Variants in BRCA2 observed in about 807,000 individuals in gnomAD.
BRCA2 encodes breast cancer type 2 susceptibility protein.
BRCA2 carries 203 observed loss-of-function variants against 276.7 expected under a neutral mutation model. The ratio of observed to expected loss-of-function variants is 0.73; its 90% CI spans 0.65 to 0.82. The LOEUF (loss-of-function observed/expected upper bound fraction) is 0.82. Among genes scored for constraint, BRCA2 ranks in the 40% least tolerant of loss-of-function variants. The pLI is 0.00. For synonymous variants in BRCA2, 1,289 were observed against 1,338.4 expected (o/e 0.96, Z 0.81); for missense variants, 3,920 against 3,915.0 (o/e 1.00, Z -0.03).
chr13:32,357,330 C>T (rs2072704887), intron 15 of BRCA2, among the ~76,000 whole-genome samples: 1 of 152,212 alleles, frequency 6.6e-6, no homozygotes, highest in Non-Finnish European at 1.5e-5. Flanking sequence ...GGGGTGAAAG[C>T]AAGCACTTTG....
At chr13:32,327,031 G>A (rs1593887831) in intron 7 of BRCA2, among the ~76,000 whole-genome samples, 1 of 152,208 alleles carries the variant, frequency 6.6e-6, no homozygotes, top group Non-Finnish European at 1.5e-5. Flanking sequence ...GTACTGAATT[G>A]AGGTCTTAAA....
chr13:32,332,875 A>G lies in BRCA2; in HGVS notation c.1397A>G (p.Asn466Ser), dbSNP rs370692951. The G allele has an allele frequency of 1.9e-6, 3 of 1,611,572 alleles. No individual in the cohort carries two copies. In the African/African-American group the frequency reaches 4.0e-5, roughly 22 times the overall value. ...CCATTAAATGAGGAAACAGTGGTAA[A>G]TAAGAGAGATGAAGAGCAGCATCTT... ...EKPLNEETVV[N>S]KRDEEQHLES... The change falls in exon 10 of 27, where the codon AAT becomes AGT. Residue 466 changes from asparagine (N) to serine (S), a missense_variant. Asn to Ser is a conservative substitution (Grantham distance 46). This residue lies in a region of BRCA2 where 3,263 missense variants were observed against 3,156.9 expected (regional missense o/e 1.03). Transcript: ENST00000380152.
rs1566224162 is a variant in BRCA2 at position 32,333,191 on chromosome 13, T to C, written c.1713T>C (p.Ser571=). The C allele has an allele frequency of 1.2e-6, 2 of 1,613,974 alleles. No individual in the cohort carries two copies. Among genetic ancestry groups the C allele is most frequent in the East Asian group, 4.5e-5 (2 of 44,876 alleles). Residue 571 remains serine, a synonymous_variant, in exon 10 of 27, where the codon TCT becomes TCC. Transcript: ENST00000380152. ...GGCCAGCCACCACCACACAGAATTCTGTAGCTTTGAAGAATGCAGGTTTAA... is the reference window on the plus strand; with the variant it reads ...GGCCAGCCACCACCACACAGAATTCCGTAGCTTTGAAGAATGCAGGTTTAA... ...GSWPATTTQN[S]VALKNAGLIS...
intron 24 of BRCA2, among the ~76,000 whole-genome samples, chr13:32,389,119 A>G (rs1344997081): frequency 6.6e-6 from 1 of 152,176 alleles, no homozygotes; most frequent in Non-Finnish European, 1.5e-5. Context: ...TGTATGACTT[A>G]CAGCAGTCTA....
chr13:32,333,767 C>G (rs1300593341), intron 10 of BRCA2, among the ~76,000 whole-genome samples: 1 of 152,144 alleles, frequency 6.6e-6, no homozygotes, highest in Admixed American at 6.5e-5. Context: ...CTCCTTCCCC[C>G]CACACACCCC....
rs2137491530 is a variant in BRCA2, at chr13:32,337,300, T to C, written c.2945T>C (p.Ile982Thr). 2 of 1,612,450 alleles carry C rather than the reference T, an allele frequency of 1.2e-6. No homozygotes were observed. Among genetic ancestry groups the C allele is most frequent in the Non-Finnish European group, 1.7e-6 (2 of 1,179,530 alleles). The change falls in exon 11 of 27, where the codon ATA (isoleucine) becomes ACA (threonine). Residue 982 changes from isoleucine (I) to threonine (T), a missense_variant. By Grantham distance (89) the Ile-to-Thr change is moderately conservative (BLOSUM62 -1). Around this residue, in one of 2 missense-constraint regions of BRCA2, gnomAD observed 3,263 missense variants for 3,156.9 expected, o/e 1.03. Coordinates refer to ENST00000380152, the MANE Select transcript of BRCA2 (RefSeq NM_000059.4). The stretch of plus-strand genomic sequence containing the variant: ...GACATCTCCTTGAATATAGATAAAA[T>C]ACCAGAAAAAAATAATGATTACATG... The part of the protein sequence containing the change: ...KSDISLNIDK[I>T]PEKNNDYMNK...
At position 32,340,412 on chromosome 13, in the gene BRCA2, C is replaced by T. The variant is rs147961615; in HGVS notation, c.6057C>T (p.Asn2019=). The change falls in exon 11 of 27, where the codon AAC becomes AAT. Residue 2019 remains asparagine, a synonymous_variant. Transcript: ENST00000380152. ...QVFSKVLFKS[N]EHSDQLTREE... is the part of the protein sequence containing the mutation. Reference sequence around the variant, plus strand: ...TTTCCAAAGTATTGTTTAAAAGTAACGAACATTCAGACCAGCTCACAAGAG... The same window carrying T: ...TTTCCAAAGTATTGTTTAAAAGTAATGAACATTCAGACCAGCTCACAAGAG... 377 of 1,613,604 alleles carry T rather than the reference C, an allele frequency of 2.3e-4. No individual in the cohort carries two copies. In the African/African-American group the frequency reaches 4.6e-3, roughly 20 times the overall value.
At position 32,379,358 on chromosome 13, in the gene BRCA2, C is replaced by A. The variant is rs1225836672; in HGVS notation, c.8796C>A (p.His2932Gln). 6.2e-7 allele frequency: 1 copy of A among 1,613,644 alleles called. No homozygotes were observed. Among genetic ancestry groups the A allele is most frequent in the East Asian group, 2.2e-5 (1 of 44,830 alleles). Residue 2932 changes from histidine (H) to glutamine (Q), a missense_variant, in exon 22 of 27, where the codon CAC (histidine) becomes CAA (glutamine). Physicochemically the swap from His to Gln is conservative, Grantham distance 24. Coordinates refer to ENST00000380152, the MANE Select transcript of BRCA2 (RefSeq NM_000059.4). ...AGCAGTTAAGAGCCTTGAATAATCA[C>A]AGGCAAATGTTGAATGATAAGAAAC... ...SEEQLRALNN[H>Q]RQMLNDKKQA... is the part of the protein sequence containing the mutation.
At chr13:32,380,816 A>G (rs2072920208) in intron 24 of BRCA2, among the ~76,000 whole-genome samples, 1 of 152,004 alleles carries the variant, frequency 6.6e-6, no homozygotes, top group African/African-American at 2.4e-5. Flanking sequence ...CTGGGATTAC[A>G]GGCGTGAGCC....
At chr13:32,343,357 A>C (rs1289344236) in intron 11 of BRCA2, among the ~76,000 whole-genome samples, 2 of 152,094 alleles carry the variant, frequency 1.3e-5, no homozygotes, top group Non-Finnish European at 2.9e-5. Context: ...AAACCTATAA[A>C]CTCATAAAAA....
In BRCA2 at chr13:32,340,686, A is replaced by G. The variant is rs773211804; in HGVS notation, c.6331A>G (p.Lys2111Glu). The G allele has an allele frequency of 8.1e-6, 13 of 1,608,706 alleles. No individual in the cohort carries two copies. The highest frequency in any genetic ancestry group is 3.4e-5 in the Admixed American group (2 of 58,560). The change falls in exon 11 of 27, where the codon AAG (lysine) becomes GAG (glutamate). Residue 2111 changes from lysine (K) to glutamate (E), a missense_variant. Transcript: ENST00000380152. Reference protein sequence around the residue: ...NVSKILPRVDKRNPEHCVNSE... With the variant: ...NVSKILPRVDERNPEHCVNSE... ...ATCAAAAATACTTCCTCGTGTTGAT[A>G]AGAGAAACCCAGAGCACTGTGTAAA...
At position 32,337,130 on chromosome 13, in the gene BRCA2, T is replaced by C. The variant is rs756859735; in HGVS notation, c.2775T>C (p.Ser925=). ...TCVNEPIFKN[S]TMVLYGDTGD... is the part of the protein sequence containing the mutation. ...TAAACGAACCCATTTTCAAGAACTC[T>C]ACCATGGTTTTATATGGAGACACAG... is the stretch of plus-strand genomic sequence containing the variant. The change falls in exon 11 of 27, where the codon TCT becomes TCC. Residue 925 remains serine, a synonymous_variant. Coordinates refer to ENST00000380152, the MANE Select transcript of BRCA2 (RefSeq NM_000059.4). 1 of 1,613,740 alleles carries C rather than the reference T, an allele frequency of 6.2e-7. No homozygotes were observed. Among genetic ancestry groups the C allele is most frequent in the South Asian group, 1.1e-5 (1 of 91,052 alleles).
In BRCA2 at chr13:32,338,013, T is replaced by C. The variant is rs397507312; in HGVS notation, c.3658T>C (p.Tyr1220His). 5.0e-6 allele frequency: 8 copies of C among 1,612,920 alleles called. No homozygotes were observed. The East Asian group carries it at 1.6e-4, about 31-fold the overall frequency. Residue 1220 changes from tyrosine (Y) to histidine (H), a missense_variant, in exon 11 of 27, where the codon TAT becomes CAT. Transcript: ENST00000380152. Reference protein sequence around the residue: ...DENEVGFRGFYSAHGTKLNVS... With the variant: ...DENEVGFRGFHSAHGTKLNVS... Reference sequence around the variant, plus strand: ...AAATGAAGTGGGGTTTAGGGGCTTTTATTCTGCTCATGGCACAAAACTGAA... The same window carrying C: ...AAATGAAGTGGGGTTTAGGGGCTTTCATTCTGCTCATGGCACAAAACTGAA...
intron 26 of BRCA2, 107 bp from the exon 27 acceptor site, chr13:32,398,055 G>A (rs1029950981): frequency 4.8e-5 from 57 of 1,192,026 alleles, no homozygotes; most frequent in Non-Finnish European, 6.4e-5. Context: ...GAGGGAGACT[G>A]TGTGTAATAT....
intron 12 of BRCA2, among the ~76,000 whole-genome samples, chr13:32,345,131 A>T (rs1050095754): frequency 1.3e-5 from 2 of 152,078 alleles, no homozygotes; most frequent in African/African-American, 4.8e-5. Context: ...AAGTATTGTC[A>T]CTTATTTTTC....
In BRCA2 at chr13:32,362,579, A is replaced by G; in HGVS notation, c.7862A>G (p.Tyr2621Cys). ...DPKLISRIWV[Y>C]NHYRWIIWKL... ...AAGCTTATTTCTAGAATTTGGGTTT[A>G]TAATCACTATAGATGGATCATATGG... The change falls in exon 17 of 27, where the codon TAT (tyrosine) becomes TGT (cysteine). Residue 2621 changes from tyrosine (Y) to cysteine (C), a missense_variant. Coordinates refer to ENST00000380152, the MANE Select transcript of BRCA2 (RefSeq NM_000059.4). 1.2e-6 allele frequency: 2 copies of G among 1,614,206 alleles called. No homozygotes were observed. The highest frequency in any genetic ancestry group is 1.7e-6 in the Non-Finnish European group (2 of 1,180,030).
At position 32,387,095 on chromosome 13, in the gene BRCA2, C is replaced by T. The variant is rs571933131; in HGVS notation, c.9256+6950C>T. Among the ~76,000 whole-genome samples, 8 of 152,186 alleles carry T rather than the reference C, an allele frequency of 5.3e-5. No homozygotes were observed. The South Asian group carries it at 1.5e-3, about 28-fold the overall frequency. Reference sequence around the variant, plus strand: ...GGTCTCCCAATGTACATGTCTGTGTCTAAATTTCCCCATATATTAGGACAC... The same window carrying T: ...GGTCTCCCAATGTACATGTCTGTGTTTAAATTTCCCCATATATTAGGACAC... On this transcript the variant is annotated intron_variant, in intron 24 of 26. Coordinates refer to ENST00000380152, the MANE Select transcript of BRCA2 (RefSeq NM_000059.4).
Position 32,376,739 on chromosome 13 carries a change from G to T in BRCA2, c.8702G>T (p.Gly2901Val), listed in dbSNP as rs80359129. The change falls in exon 21 of 27, where the codon GGT becomes GTT. Residue 2901 changes from glycine to valine, a missense_variant. Coordinates refer to ENST00000380152, the MANE Select transcript of BRCA2 (RefSeq NM_000059.4). Reference sequence around the variant, plus strand: ...CAGCAAGTTCGTGCTTTGCAAGATGGTGCAGAGCTTTATGAAGCAGTGAAG... The same window carrying T: ...CAGCAAGTTCGTGCTTTGCAAGATGTTGCAGAGCTTTATGAAGCAGTGAAG... ...TRQQVRALQD[G>V]AELYEAVKNA... The T allele has an allele frequency of 6.2e-7, 1 of 1,614,146 alleles. No homozygotes were observed. The highest frequency in any genetic ancestry group is 1.7e-5 in the Admixed American group (1 of 60,020).
chr13:32,318,007 A>G (rs2072276302), intron 2 of BRCA2, among the ~76,000 whole-genome samples: 1 of 152,234 alleles, frequency 6.6e-6, no homozygotes. Context: ...AAGAAGTGCT[A>G]AAGCATTGAG....
Sources: gnomAD v4.1 joint callset for allele counts (sites outside exome capture counted in the v4.1 genomes callset) on GRCh38, gnomAD v4.1.1 for gene constraint, gnomAD v4.1.1 regional missense constraint, MANE v1.5 for transcripts, NCBI Gene and HGNC (gene_info 2026-07-23, HGNC 2026-07-21) for gene names.